Variants in TRABD2B observed in about 807,000 individuals in gnomAD.
The protein encoded by TRABD2B is metalloprotease TIKI2.
Under a neutral mutation model 40.1 loss-of-function variants are expected in TRABD2B, and 14 were observed. The ratio of observed to expected loss-of-function variants is 0.35; its 90% CI spans 0.23 to 0.55. The LOEUF is 0.55. Among genes scored for constraint, TRABD2B ranks in the 20% least tolerant of loss-of-function variants. The pLI is 0.90. For synonymous variants in TRABD2B, 263 were observed against 277.0 expected (o/e 0.95, Z 0.50); for missense variants, 541 against 648.6 (o/e 0.83, Z 1.80).
chr1:47,807,205 C>A (rs1245916315), intron 2 of TRABD2B, among the ~76,000 whole-genome samples: 2 of 152,160 alleles, frequency 1.3e-5, no homozygotes, highest in Non-Finnish European at 2.9e-5. Context: ...ATTCCTCACA[C>A]CTCTGAGTCA....
chr1:47,987,751 G>A (rs528726478), intron 2 of TRABD2B, among the ~76,000 whole-genome samples: 1 of 152,324 alleles, frequency 6.6e-6, no homozygotes, highest in South Asian at 2.1e-4. Flanking sequence ...GTCCCTGCTA[G>A]GGGACACCCG....
intron 2 of TRABD2B, among the ~76,000 whole-genome samples, chr1:47,962,859 G>A (rs1645541689): frequency 1.3e-5 from 2 of 152,150 alleles, no homozygotes; most frequent in South Asian, 4.1e-4. Flanking sequence ...TCTTGGTGAG[G>A]ACAAGCCATG....
chr1:47,773,839 A>C (rs1428145571), intron 6 of TRABD2B, among the ~76,000 whole-genome samples: 8 of 152,196 alleles, frequency 5.3e-5, no homozygotes, highest in Non-Finnish European at 8.8e-5. Flanking sequence ...CCAAAGGATC[A>C]ATGGGCTTGA....
chr1:47,877,430 G>A (rs116112442), intron 2 of TRABD2B, among the ~76,000 whole-genome samples: 1,949 of 152,198 alleles, frequency 0.013, 45 homozygotes, highest in African/African-American at 0.044. Context: ...AAATACATCC[G>A]TGTCCTCCCT....
chr1:47,850,860 T>G (rs1311292624), intron 2 of TRABD2B, among the ~76,000 whole-genome samples: 4 of 152,174 alleles, frequency 2.6e-5, no homozygotes, highest in African/African-American at 9.7e-5. Flanking sequence ...GGTTGGGAGA[T>G]GGTTTAGGGA....
At chr1:47,947,356 C>T (rs1645273783) in intron 2 of TRABD2B, among the ~76,000 whole-genome samples, 1 of 152,162 alleles carries the variant, frequency 6.6e-6, no homozygotes, top group Admixed American at 6.5e-5. Flanking sequence ...GGCCAAGGAC[C>T]TCACCCAAGG....
At position 47,993,874 on chromosome 1, in the gene TRABD2B, G is replaced by A. The variant is rs1646048635; in HGVS notation, c.666+160C>T. Reference sequence around the variant, plus strand: ...GCCACTCTCAACTGATACCACCAGAGCAGCCAGGTGCTGCCTCGCTGCCCA... The same window carrying A: ...GCCACTCTCAACTGATACCACCAGAACAGCCAGGTGCTGCCTCGCTGCCCA... On this transcript the variant is annotated intron_variant, in intron 2 of 6. Transcript: ENST00000606738. Among the ~76,000 whole-genome samples the A allele has an allele frequency of 3.9e-5, 6 of 152,300 alleles. No individual in the cohort carries two copies. The South Asian group carries it at 1.0e-3, about 26-fold the overall frequency.
chr1:47,974,261 G>A (rs1162028893), intron 2 of TRABD2B, among the ~76,000 whole-genome samples: 1 of 152,102 alleles, frequency 6.6e-6, no homozygotes, highest in Non-Finnish European at 1.5e-5. Context: ...TGCATGTCCT[G>A]TACATGCATG....
At chr1:47,906,690 G>A (rs1177794340) in intron 2 of TRABD2B, among the ~76,000 whole-genome samples, 1 of 152,248 alleles carries the variant, frequency 6.6e-6, no homozygotes, top group African/African-American at 2.4e-5. Context: ...CACAGGAAAA[G>A]CTGGATTTCT....
chr1:47,993,849 G>A (rs1433585056), intron 2 of TRABD2B, among the ~76,000 whole-genome samples, 185 bp downstream of exon 2: 1 of 152,068 alleles, frequency 6.6e-6, no homozygotes. Flanking sequence ...TCCAGTATAC[G>A]CCACTCTCAA....
intron 2 of TRABD2B, among the ~76,000 whole-genome samples, chr1:47,933,277 T>G (rs1645064901): frequency 6.6e-6 from 1 of 151,198 alleles, no homozygotes; most frequent in African/African-American, 2.5e-5. Context: ...GGCTAATTTT[T>G]TTTTTTGTAT....
chr1:47,771,223 G>A (rs998204121), intron 6 of TRABD2B, among the ~76,000 whole-genome samples: 1 of 150,232 alleles, frequency 6.7e-6, no homozygotes, highest in Admixed American at 6.6e-5. Context: ...GGGAGACACT[G>A]CGTCTCTTCC....
In TRABD2B at chr1:47,958,933, T is replaced by C. The variant is rs1486308706; in HGVS notation, c.666+35101A>G. Reference sequence around the variant, plus strand: ...CATTCTTCTCAGCACCACATCACACTTATTCCAAGATTGACCACATAGTTG... The same window carrying C: ...CATTCTTCTCAGCACCACATCACACCTATTCCAAGATTGACCACATAGTTG... On this transcript the variant is annotated intron_variant, in intron 2 of 6. Coordinates refer to ENST00000606738, the MANE Select transcript of TRABD2B (RefSeq NM_001194986.2). Among the ~76,000 whole-genome samples the C allele has an allele frequency of 4.6e-5, 7 of 152,242 alleles. No homozygotes were observed. In the East Asian group the frequency reaches 1.4e-3, roughly 29 times the overall value.
intron 2 of TRABD2B, among the ~76,000 whole-genome samples, chr1:47,962,269 G>A (rs1056618835): frequency 1.4e-4 from 22 of 152,064 alleles, no homozygotes; most frequent in Admixed American, 5.9e-4. Context: ...TGTAAATGAC[G>A]AGTTAATGGG....
intron 2 of TRABD2B, chr1:47,818,790 T>C (rs1444921635): frequency 2.0e-5 from 3 of 152,234 alleles, no homozygotes; most frequent in South Asian, 4.1e-4. Context: ...GCAGTTTGAA[T>C]GACACCTGGT....
At chr1:47,927,260 C>A (rs1644982311) in intron 2 of TRABD2B, among the ~76,000 whole-genome samples, 1 of 152,212 alleles carries the variant, frequency 6.6e-6, no homozygotes, top group Admixed American at 6.5e-5. Flanking sequence ...CCGGGTGCAG[C>A]CTTCCTGCTC....
intron 5 of TRABD2B, among the ~76,000 whole-genome samples, chr1:47,777,263 G>T (rs952283934): frequency 2.0e-5 from 3 of 152,222 alleles, no homozygotes; most frequent in Non-Finnish European, 4.4e-5. Context: ...CTTTGTCCCT[G>T]AGGCTACCTT....
rs2201694 is a variant in TRABD2B, at chr1:47,889,505, A to G, written c.667-87886T>C. Among the ~76,000 whole-genome samples, 894 of 152,326 alleles carry G rather than the reference A, an allele frequency of 5.9e-3. 6 individuals carry two copies. The highest frequency in any genetic ancestry group is 0.02 in the African/African-American group (839 of 41,566). On this transcript the variant is annotated intron_variant, in intron 2 of 6. Transcript: ENST00000606738. Reference sequence around the variant, plus strand: ...CTGAATCTTATTGCCAGATGTGGGGATAAGACCTTGGAAGTGACTCAAGCC... The same window carrying G: ...CTGAATCTTATTGCCAGATGTGGGGGTAAGACCTTGGAAGTGACTCAAGCC...
chr1:47,916,056 G>A (rs553052826), intron 2 of TRABD2B, among the ~76,000 whole-genome samples: 13 of 151,986 alleles, frequency 8.6e-5, no homozygotes, highest in African/African-American at 2.7e-4. Flanking sequence ...TGAGGACGCC[G>A]CAGACAGCCC....
Sources: allele counts gnomAD v4.1 joint callset (sites outside exome capture counted in the v4.1 genomes callset), GRCh38; gene constraint gnomAD v4.1.1; transcripts MANE v1.5; gene names NCBI Gene and HGNC (gene_info 2026-07-23, HGNC 2026-07-21).